SCARA5: variants seen among roughly 807,000 people sequenced by gnomAD.
The protein encoded by SCARA5 is scavenger receptor class A, member 5 (putative).
In SCARA5, 45 loss-of-function variants were observed where a neutral mutation model predicts 46.3. The ratio of observed to expected loss-of-function variants is 0.97; its 90% CI spans 0.76 to 1.24. The LOEUF is 1.24. Among genes scored for constraint, SCARA5 ranks in the 50% most tolerant of loss-of-function variants. SCARA5 has a pLI of 0.00. For synonymous variants in SCARA5, 333 were observed against 306.5 expected (o/e 1.09, Z -0.90); for missense variants, 680 against 689.0 (o/e 0.99, Z 0.15).
chr8:27,976,272 G>A lies in SCARA5; in HGVS notation c.113-9730C>T, dbSNP rs1420611922. On this transcript the variant is annotated intron_variant, in intron 2 of 8. Coordinates refer to ENST00000354914, the MANE Select transcript of SCARA5 (RefSeq NM_173833.6). Reference sequence around the variant, plus strand: ...GCTGGTGAAAGATGCCATTATTCACGCTGCAAATGCACAGTACACGGATTA... The same window carrying A: ...GCTGGTGAAAGATGCCATTATTCACACTGCAAATGCACAGTACACGGATTA... 3.9e-5 allele frequency among the ~76,000 whole-genome samples: 6 copies of A among 152,144 alleles called. No homozygotes were observed. In the East Asian group the frequency reaches 7.8e-4, roughly 20 times the overall value.
At chr8:27,986,286 C>A (rs11136022) in intron 2 of SCARA5, among the ~76,000 whole-genome samples, 84,223 of 152,028 alleles carry the variant, frequency 0.55, 24,415 homozygotes, top group African/African-American at 0.69. Flanking sequence ...AGACAATCTC[C>A]TTCAGTCTTC....
intron 5 of SCARA5, 127 bp downstream of exon 5, chr8:27,909,536 G>C (rs1807334918): frequency 3.1e-6 from 2 of 635,110 alleles, no homozygotes; most frequent in Non-Finnish European, 5.5e-6. Flanking sequence ...TGTTGGAACA[G>C]AGCGTTTGAG....
chr8:27,918,997 G>A, intron 4 of SCARA5, among the ~76,000 whole-genome samples: 1 of 116,848 alleles, frequency 8.6e-6, no homozygotes, highest in African/African-American at 3.5e-5. Context: ...GGAGAAGGGA[G>A]GAGGAGGAGA....
intron 6 of SCARA5, among the ~76,000 whole-genome samples, chr8:27,906,452 G>A (rs1807263374): frequency 6.6e-6 from 1 of 152,242 alleles, no homozygotes; most frequent in Admixed American, 6.5e-5. Context: ...AAATCCTGGG[G>A]GAATAAAAGA....
chr8:27,900,807 T>C (rs76863438), intron 7 of SCARA5, among the ~76,000 whole-genome samples: 2 of 149,548 alleles, frequency 1.3e-5, no homozygotes, highest in African/African-American at 5.0e-5. Context: ...TTTTTTTTTT[T>C]CCTGGCCAAA....
intron 7 of SCARA5, among the ~76,000 whole-genome samples, chr8:27,888,161 A>G (rs4388413): frequency 0.31 from 46,846 of 151,912 alleles, 8,726 homozygotes; most frequent in Middle Eastern, 0.42. Context: ...GGCTCAAGCC[A>G]TTCTCTCCCG....
intron 1 of SCARA5, among the ~76,000 whole-genome samples, chr8:27,988,174 G>C (rs919249589): frequency 6.6e-6 from 1 of 152,218 alleles, no homozygotes; most frequent in Admixed American, 6.5e-5. Flanking sequence ...ATCCAACGGG[G>C]CTGGCATGTT....
intron 3 of SCARA5, among the ~76,000 whole-genome samples, chr8:27,936,611 A>AAAAAAAAAAAAAAAAGG (rs1807862022): frequency 6.8e-6 from 1 of 147,684 alleles, no homozygotes. Context: ...AAAAAAAAAA[A>AAAAAAAAAAAAAAAAGG]GGTGGGGATG....
At chr8:27,961,357 T>A (rs1808291266) in intron 3 of SCARA5, among the ~76,000 whole-genome samples, 1 of 152,180 alleles carries the variant, frequency 6.6e-6, no homozygotes, top group Admixed American at 6.5e-5. Context: ...TTTCTGTTTC[T>A]TGCCACATGA....
At chr8:27,901,817 C>T (rs1042895863) in intron 7 of SCARA5, among the ~76,000 whole-genome samples, 1 of 152,226 alleles carries the variant, frequency 6.6e-6, no homozygotes, top group African/African-American at 2.4e-5. Flanking sequence ...GAGCCCGGCC[C>T]TACTACCCAA....
At chr8:27,975,994 T>C (rs1399248451) in intron 2 of SCARA5, among the ~76,000 whole-genome samples, 1 of 152,170 alleles carries the variant, frequency 6.6e-6, no homozygotes, top group Non-Finnish European at 1.5e-5. Flanking sequence ...ATACAATGTG[T>C]GTTATTTTTC....
chr8:27,936,718 C>T (rs186401811), intron 3 of SCARA5, among the ~76,000 whole-genome samples: 30 of 151,916 alleles, frequency 2.0e-4, no homozygotes, highest in Non-Finnish European at 3.2e-4. Flanking sequence ...TAACTGAATC[C>T]GCGGAAGCAT....
chr8:27,897,207 C>T (rs988747933), intron 7 of SCARA5, among the ~76,000 whole-genome samples: 10 of 152,110 alleles, frequency 6.6e-5, no homozygotes, highest in Admixed American at 1.3e-4. Flanking sequence ...ACAGAGGGTA[C>T]TTAGGGCTGT....
intron 7 of SCARA5, chr8:27,903,370 G>C (rs1327824568): frequency 6.6e-6 from 1 of 152,222 alleles, no homozygotes; most frequent in Non-Finnish European, 1.5e-5. Context: ...TGATCTGGAG[G>C]ATTAGGCAGG....
chr8:27,948,689 G>A lies in SCARA5; in HGVS notation c.241+17725C>T, dbSNP rs551765778. Among the ~76,000 whole-genome samples the A allele has an allele frequency of 3.3e-5, 5 of 152,326 alleles. No individual in the cohort carries two copies. In the East Asian group the frequency reaches 5.8e-4, roughly 18 times the overall value. On this transcript the variant is annotated intron_variant, in intron 3 of 8. Transcript: ENST00000354914. ...AAGGAAGAAAAACAAACAGCTGAGC[G>A]CAGGAAGCCTAGCTGTGGGACTCGC... is the stretch of plus-strand genomic sequence containing the variant.
chr8:27,921,414 T>C (rs1807581217), intron 4 of SCARA5, among the ~76,000 whole-genome samples, 157 bp downstream of exon 4: 1 of 151,318 alleles, frequency 6.6e-6, no homozygotes, highest in Admixed American at 6.6e-5. Context: ...TCCAGAGTCC[T>C]GTAGGGCAAG....
chr8:27,971,399 G>A (rs1417209979), intron 2 of SCARA5, among the ~76,000 whole-genome samples: 1 of 152,192 alleles, frequency 6.6e-6, no homozygotes, highest in African/African-American at 2.4e-5. Context: ...AGAGTCCAAT[G>A]TACAGGACTT....
At chr8:27,956,225 C>T (rs1282003603) in intron 3 of SCARA5, among the ~76,000 whole-genome samples, 4 of 152,140 alleles carry the variant, frequency 2.6e-5, no homozygotes, top group African/African-American at 4.8e-5. Context: ...GCTATTTGCA[C>T]TAGAAGCTCA....
chr8:27,889,744 C>T (rs1220331672), intron 7 of SCARA5, among the ~76,000 whole-genome samples: 1 of 152,186 alleles, frequency 6.6e-6, no homozygotes, highest in Non-Finnish European at 1.5e-5. Flanking sequence ...TATGGGAGAA[C>T]CAAGAAGACA....
Sources: gnomAD v4.1 joint callset for allele counts (sites outside exome capture counted in the v4.1 genomes callset) on GRCh38, gnomAD v4.1.1 for gene constraint, MANE v1.5 for transcripts, NCBI Gene and HGNC (gene_info 2026-07-23, HGNC 2026-07-21) for gene names.